QTGAL: variants seen among roughly 807,000 people sequenced by gnomAD.
The protein encoded by QTGAL is BGnT-like protein 1.
At chr17:82,947,065 T>G in the QTGAL span, 1 of 1,278,786 alleles carries the variant, frequency 7.8e-7, no homozygotes, top group Non-Finnish European at 1.1e-6. Context: ...GGCCAGGGGT[T>G]GGGGGTGGCC....
the QTGAL span, among the ~76,000 whole-genome samples, chr17:83,039,513 GCCCGCCGCCCGCC>G: frequency 9.3e-5 from 11 of 118,774 alleles, no homozygotes; most frequent in African/African-American, 3.4e-4. Flanking sequence ...ACTGCTGGGC[GCCCGCCGCCCGCC>G]CCTGTTCTAG....
chr17:83,006,790 G>A, the QTGAL span: 37 of 985,428 alleles, frequency 3.8e-5, no homozygotes, highest in South Asian at 1.9e-4. The surrounding 1 kb of genome is among the most constrained non-coding windows in gnomAD (Gnocchi z 5.8). Context: ...TGGCGATCCC[G>A]AACATTCAAG....
chr17:82,996,158 T>A, the QTGAL span, among the ~76,000 whole-genome samples: 1 of 152,202 alleles, frequency 6.6e-6, no homozygotes, highest in East Asian at 1.9e-4. Flanking sequence ...TGTTAAAATA[T>A]CTATACTACC....
At chr17:83,048,339 C>T in the QTGAL span, 1 of 815,352 alleles carries the variant, frequency 1.2e-6, no homozygotes. Flanking sequence ...CTACTAGGTT[C>T]TTAATAAGTG....
the QTGAL span, among the ~76,000 whole-genome samples, chr17:83,031,431 A>C: frequency 6.6e-6 from 1 of 150,850 alleles, no homozygotes; most frequent in African/African-American, 2.4e-5. Context: ...TCGCAGGACC[A>C]GAGTCACGTT....
the QTGAL span, among the ~76,000 whole-genome samples, chr17:82,980,367 G>C: frequency 6.6e-6 from 1 of 152,112 alleles, no homozygotes; most frequent in Non-Finnish European, 1.5e-5. Context: ...ATCAGTTCTG[G>C]AGTAGACACC....
chr17:82,989,050 G>A, the QTGAL span, among the ~76,000 whole-genome samples: 3 of 152,074 alleles, frequency 2.0e-5, no homozygotes, highest in Non-Finnish European at 2.9e-5. Flanking sequence ...GTACATGCAC[G>A]CGTATGTTCA....
the QTGAL span, among the ~76,000 whole-genome samples, chr17:82,987,412 C>T: frequency 6.6e-6 from 1 of 152,198 alleles, no homozygotes; most frequent in Non-Finnish European, 1.5e-5. Context: ...TACTAACACA[C>T]ACATTTTTAC....
chr17:82,970,648 T>TGGCCGCGACCTCCCCACCCGGC, the QTGAL span, among the ~76,000 whole-genome samples: 317 of 32,116 alleles, frequency 9.9e-3, 1 homozygote, highest in East Asian at 0.027. Context: ...CCGCACCCGG[T>TGGCCGCGACCTCCCCACCCGGC]GTGGCCGCGA....
At chr17:83,045,415 T>C in the QTGAL span, among the ~76,000 whole-genome samples, 2 of 152,200 alleles carry the variant, frequency 1.3e-5, no homozygotes, top group African/African-American at 4.8e-5. Context: ...CTTCACACCA[T>C]ACATAAAAAT....
chr17:83,048,471 C>T, the QTGAL span: 32 of 1,603,174 alleles, frequency 2.0e-5, no homozygotes, highest in East Asian at 6.7e-5. Context: ...GTTTACTTAC[C>T]GCCTCTAGGA....
At chr17:82,965,591 C>T in the QTGAL span, 1 of 1,472,792 alleles carries the variant, frequency 6.8e-7, no homozygotes, top group Non-Finnish European at 9.3e-7. Flanking sequence ...GCAGAGCCCA[C>T]ACACAGAGAC....
the QTGAL span, among the ~76,000 whole-genome samples, chr17:83,029,257 TATA>T: frequency 6.6e-6 from 1 of 152,220 alleles, no homozygotes; most frequent in Non-Finnish European, 1.5e-5. Context: ...CTGAATAAAC[TATA>T]ATGAGATGCA....
the QTGAL span, among the ~76,000 whole-genome samples, chr17:83,042,657 T>A: frequency 1.3e-5 from 2 of 151,856 alleles, no homozygotes; most frequent in African/African-American, 4.8e-5. Context: ...ACATAAGACA[T>A]ATAGAAAGCA....
the QTGAL span, among the ~76,000 whole-genome samples, chr17:83,043,364 A>G: frequency 6.6e-6 from 1 of 152,230 alleles, no homozygotes; most frequent in Non-Finnish European, 1.5e-5. Context: ...TAAGTAACAG[A>G]AGTAAAACTG....
the QTGAL span, among the ~76,000 whole-genome samples, chr17:82,954,503 A>G: frequency 4.6e-5 from 7 of 151,614 alleles, no homozygotes; most frequent in South Asian, 1.5e-3. Context: ...AACAAATGGA[A>G]AAAAAAAATT....
the QTGAL span, among the ~76,000 whole-genome samples, chr17:83,046,391 C>A: frequency 6.6e-6 from 1 of 152,312 alleles, no homozygotes; most frequent in Middle Eastern, 3.4e-3. Flanking sequence ...CCCGTCTCGG[C>A]CTCCCGAAGT....
the QTGAL span, among the ~76,000 whole-genome samples, chr17:82,993,171 T>C: frequency 4.6e-5 from 7 of 152,126 alleles, no homozygotes; most frequent in South Asian, 2.1e-4. Flanking sequence ...TCAAAAGACA[T>C]AGAGTGGCTG....
the QTGAL span, chr17:82,945,229 A>G: frequency 2.0e-5 from 3 of 152,256 alleles, no homozygotes; most frequent in Admixed American, 2.0e-4. Flanking sequence ...AAACTGGAAG[A>G]TCTGAAAACA....
Sources: gnomAD v4.1 joint callset for allele counts (sites outside exome capture counted in the v4.1 genomes callset) on GRCh38, gnomAD v4.1.1 for gene constraint, Gnocchi (gnomAD v3.1) non-coding constraint, MANE v1.5 for transcripts, NCBI Gene and HGNC (gene_info 2026-07-23, HGNC 2026-07-21) for gene names.